The following CCDC154 variants were observed in gnomAD, a reference collection of about 807,000 sequenced individuals.
CCDC154 encodes the protein coiled-coil domain-containing protein 154.
A neutral mutation model predicts 87.5 loss-of-function variants in CCDC154; 91 were observed. That is an observed-to-expected ratio of 1.04 (90% CI 0.88 to 1.24). The LOEUF (loss-of-function observed/expected upper bound fraction) is 1.24, where lower values mean the gene tolerates loss of function less well. Among genes scored for constraint, CCDC154 ranks in the 50% most tolerant of loss-of-function variants. The probability of loss-of-function intolerance (pLI) is 0.00; values close to 1 mark genes in which losing one functional copy is unlikely to be tolerated. For missense variants in CCDC154, 903 were observed against 879.2 expected (o/e 1.03, Z -0.34); for synonymous variants, 418 against 400.4 (o/e 1.04, Z -0.52).
At position 1,444,409 on chromosome 16, in the gene CCDC154, A is replaced by AG. The variant is rs919887653; in HGVS notation, c.-88dup. ...GGTTGCCCAGAGCTGGGCACAGGCC[A>AG]GGGGGGTCAGGAGCCAGAGGAAGTC... On this transcript the variant is annotated 5_prime_UTR_variant, in exon 1 of 17. Coordinates refer to ENST00000389176, the MANE Select transcript of CCDC154 (RefSeq NM_001143980.3). 9 of 1,231,788 alleles carry AG rather than the reference A, an allele frequency of 7.3e-6. No homozygotes were observed. Among genetic ancestry groups the AG allele is most frequent in the South Asian group, 2.7e-5 (2 of 75,150 alleles). 76.3% of individuals were successfully genotyped at this position (1,231,788 alleles called of 1,614,324 possible).
Position 1,436,779 on chromosome 16 carries a change from C to T in CCDC154, c.1323G>A (p.Lys441=). The T allele has an allele frequency of 6.4e-7, 1 of 1,550,564 alleles. No homozygotes were observed. The change falls in exon 12 of 17, where the codon AAG becomes AAA. Residue 441 remains lysine (K), a synonymous_variant. Transcript: ENST00000389176. ...GCCACCTGGCCAGGTCCTCCAGGGA[C>T]TTCCTCTCTGCACCTTCCCATTCGG... The part of the protein sequence containing the change: ...AKTEWEGAER[K]SLEDLARWRK...
Position 1,444,432 on chromosome 16 carries a change from G to T in CCDC154, c.-110C>A, listed in dbSNP as rs1184901945. 8 of 1,129,926 alleles carry T rather than the reference G, an allele frequency of 7.1e-6. No homozygotes were observed. Among genetic ancestry groups the T allele is most frequent in the African/African-American group, 1.6e-5 (1 of 61,678 alleles). The allele number at this position is 1,129,926 out of a possible 1,614,324, so 70.0% of individuals were successfully genotyped here. On this transcript the variant is annotated 5_prime_UTR_variant, in exon 1 of 17. Transcript: ENST00000389176. The stretch of plus-strand genomic sequence containing the variant: ...CCAGGGGGGTCAGGAGCCAGAGGAA[G>T]TCCCGTGAGAGCTCTGGGCCTTGAG...
rs1474478002 is a variant in CCDC154, at chr16:1,438,988, G to T, written c.777+37C>A. Reference sequence around the variant, plus strand: ...TCAGCTGCAGGTCTGCGTCTGGGAAGGGGGGCAGGGCAGGCCAGCCGCGGG... The same window carrying T: ...TCAGCTGCAGGTCTGCGTCTGGGAATGGGGGCAGGGCAGGCCAGCCGCGGG... On this transcript the variant is annotated intron_variant, in intron 7 of 16. Coordinates refer to ENST00000389176, the MANE Select transcript of CCDC154 (RefSeq NM_001143980.3). 5 of 1,549,664 alleles carry T rather than the reference G, an allele frequency of 3.2e-6. No individual in the cohort carries two copies. In the South Asian group the frequency reaches 4.8e-5, roughly 15 times the overall value.
rs1241107843 is a variant in CCDC154, at chr16:1,436,490, T to C, written c.1442A>G (p.His481Arg). 2.6e-6 allele frequency: 4 copies of C among 1,549,144 alleles called. No individual in the cohort carries two copies. The highest frequency in any genetic ancestry group is 1.7e-4 in the Middle Eastern group (1 of 5,990). Residue 481 changes from histidine (H) to arginine (R), a missense_variant, in exon 13 of 17, where the codon CAT becomes CGT. Coordinates refer to ENST00000389176, the MANE Select transcript of CCDC154 (RefSeq NM_001143980.3). ...AATCCTGAGGTCTGAGTCGCTCTTA[T>C]GAAGCAGGCACTTGTCGGAGACACT... is the stretch of plus-strand genomic sequence containing the variant. ...IESVSDKCLL[H>R]KSDSDLRISA...
chr16:1,435,046 C>A (rs889545394), intron 15 of CCDC154, 43 bp downstream of exon 15: 3 of 1,522,506 alleles, frequency 2.0e-6, no homozygotes, highest in East Asian at 2.5e-5. Context: ...GCTGAGGGAG[C>A]GGGTGGGAGC....
intron 6 of CCDC154, among the ~76,000 whole-genome samples, chr16:1,439,597 C>A (rs1039652330): frequency 2.0e-5 from 3 of 152,230 alleles, no homozygotes; most frequent in African/African-American, 7.2e-5. Flanking sequence ...ATCTCATACA[C>A]GCAAAGGGTA....
At chr16:1,435,728 G>A (rs2038496017) in intron 14 of CCDC154, among the ~76,000 whole-genome samples, 1 of 152,150 alleles carries the variant, frequency 6.6e-6, no homozygotes, top group East Asian at 1.9e-4. Flanking sequence ...GTTTCTCCAT[G>A]TTGGTCAGGC....
In CCDC154 at chr16:1,434,726, C is replaced by T. The variant is rs1338018649; in HGVS notation, c.1819G>A (p.Asp607Asn). The T allele has an allele frequency of 6.5e-7, 1 of 1,546,796 alleles. No individual in the cohort carries two copies. Among genetic ancestry groups the T allele is most frequent in the Non-Finnish European group, 8.7e-7 (1 of 1,146,830 alleles). Residue 607 changes from aspartate to asparagine, a missense_variant, in exon 16 of 17, where the codon GAC becomes AAC. Physicochemically the swap from Asp to Asn is conservative, Grantham distance 23 (BLOSUM62 1). Transcript: ENST00000389176. ...GGCACCACCTTGCCAGGCGCCATGT[C>T]CTTGATGAAGACCCGCGGCCTCACC... ...SLVRPRVFIK[D>N]MAPGKVVPMN...
At chr16:1,444,237 G>C (rs564547638) in intron 1 of CCDC154, 79 bp downstream of exon 1, 2 of 1,260,026 alleles carry the variant, frequency 1.6e-6, no homozygotes, top group Non-Finnish European at 1.0e-6. Flanking sequence ...GAGGGAGCCC[G>C]GGGTCAGAAG....
In CCDC154 at chr16:1,443,603, T is replaced by TG; in HGVS notation, c.316dup (p.Gln106ProfsTer197). 2 of 1,438,298 alleles carry TG rather than the reference T, an allele frequency of 1.4e-6. No individual in the cohort carries two copies. The highest frequency in any genetic ancestry group is 1.8e-6 in the Non-Finnish European group (2 of 1,089,824). The allele number at this position is 1,438,298 out of a possible 1,614,324, so 89.1% of individuals were successfully genotyped here. ...CTGCAGCTGCACGCGGGCCCGCACCTGGAGCAGCTCCCGCAGCAGGCTCCG... is the reference window on the plus strand; with the variant it reads ...CTGCAGCTGCACGCGGGCCCGCACCTGGGAGCAGCTCCCGCAGCAGGCTCCG... On this transcript the variant is annotated frameshift_variant, in exon 3 of 17. Transcript: ENST00000389176. LOFTEE classifies it high-confidence loss of function.
chr16:1,442,841 C>T (rs960142160), intron 5 of CCDC154, 39 bp downstream of exon 5: 23 of 1,526,404 alleles, frequency 1.5e-5, no homozygotes, highest in Admixed American at 9.9e-5. Flanking sequence ...AATGACCCCA[C>T]GCAAGCTCCG....
chr16:1,438,526 CAT>C (rs2038522100), intron 9 of CCDC154, 91 bp downstream of exon 9: 2 of 1,193,176 alleles, frequency 1.7e-6, no homozygotes, highest in Non-Finnish European at 1.2e-6. Flanking sequence ...GAGGCAAGGT[CAT>C]TCCCTGCTGA....
At position 1,443,849 on chromosome 16, in the gene CCDC154, C is replaced by T. The variant is rs377298802; in HGVS notation, c.171G>A (p.Thr57=). The stretch of plus-strand genomic sequence containing the variant: ...CGGTGTCCTGCTCGGGGACAGAGGC[C>T]GTGGATGTCGGATGGCTGGACTCAT... ...ERYESSHPTS[T]ASVPEQDTAK... Residue 57 remains threonine, a synonymous_variant, in exon 2 of 17, where the codon ACG becomes ACA. Transcript: ENST00000389176. 112 of 1,304,246 alleles carry T rather than the reference C, an allele frequency of 8.6e-5. 2 individuals carry two copies. In the South Asian group the frequency reaches 1.1e-3, roughly 13 times the overall value. The allele number at this position is 1,304,246 out of a possible 1,614,324, so 80.8% of individuals were successfully genotyped here.
chr16:1,435,848 G>T, intron 14 of CCDC154, 121 bp downstream of exon 14: 1 of 833,978 alleles, frequency 1.2e-6, no homozygotes, highest in Non-Finnish European at 1.9e-6. Context: ...TTTTCTGAGC[G>T]TCTCCTGCTG....
chr16:1,444,491 C>G lies in CCDC154; in HGVS notation c.-169G>C. 2 of 563,738 alleles carry G rather than the reference C, an allele frequency of 3.5e-6. No individual in the cohort carries two copies. The highest frequency in any genetic ancestry group is 5.4e-6 in the Non-Finnish European group (2 of 372,720). 34.9% of individuals were successfully genotyped at this position (563,738 alleles called of 1,614,324 possible). ...TGCTGCCCTCGTCTGGCTGCCTTCT[C>G]AGGGTCCCCAGGGAGGCAGGTGTGG... On this transcript the variant is annotated 5_prime_UTR_variant, in exon 1 of 17. Coordinates refer to ENST00000389176, the MANE Select transcript of CCDC154 (RefSeq NM_001143980.3).
At chr16:1,439,881 C>G (rs2038535584) in intron 6 of CCDC154, among the ~76,000 whole-genome samples, 1 of 152,084 alleles carries the variant, frequency 6.6e-6, no homozygotes, top group South Asian at 2.1e-4. Flanking sequence ...CAAGCAGTGA[C>G]TGGCGCAATG....
At chr16:1,436,670 G>A in intron 12 of CCDC154, 22 bp downstream of exon 12, 1 of 1,549,610 alleles carries the variant, frequency 6.5e-7, no homozygotes, top group Non-Finnish European at 8.7e-7. Flanking sequence ...AGTACACCAA[G>A]GCTGGCTGTG....
At chr16:1,435,236 A>C in intron 14 of CCDC154, 61 bp from the exon 15 acceptor site, 1 of 1,426,628 alleles carries the variant, frequency 7.0e-7, no homozygotes, top group East Asian at 2.5e-5. Context: ...TGCTGTCCCC[A>C]CAGGCACCCC....
At chr16:1,440,520 G>GA (rs765153470) in intron 6 of CCDC154, among the ~76,000 whole-genome samples, 1 of 151,168 alleles carries the variant, frequency 6.6e-6, no homozygotes, top group East Asian at 1.9e-4. Context: ...GAAGAGAAGA[G>GA]AAAAAAGAAA....
Sources: gnomAD v4.1 joint callset for allele counts (sites outside exome capture counted in the v4.1 genomes callset) on GRCh38, gnomAD v4.1.1 for gene constraint, MANE v1.5 for transcripts, NCBI Gene and HGNC (gene_info 2026-07-23, HGNC 2026-07-21) for gene names.